Variants in ATG12 observed in about 807,000 individuals in gnomAD.
The protein encoded by ATG12 is autophagy related 12.
ATG12 carries 19 observed loss-of-function variants against 17.6 expected under a neutral mutation model. That is an observed-to-expected ratio of 1.08 (90% CI 0.75 to 1.58). The LOEUF (loss-of-function observed/expected upper bound fraction) is 1.58, where lower values mean the gene tolerates loss of function less well. ATG12 is among the 40% of genes most tolerant of loss of function. The probability of loss-of-function intolerance (pLI) is 0.00; values close to 1 mark genes in which losing one functional copy is unlikely to be tolerated. For missense variants in ATG12, 214 were observed against 162.0 expected, an observed-to-expected ratio of 1.32 and a Z score of -1.74; for synonymous variants, 75 against 62.4, an observed-to-expected ratio of 1.20 and a Z score of -0.95.
chr5:115,829,794 ATAAT>A lies in ATG12; in HGVS notation c.*2006_*2009del, dbSNP rs2112713179. ...TAATTCTTTGAGTAAAGATCAAGAAATAATTAAATATGATTTGAAAAAGTACAAA... is the reference window on the plus strand; with the variant it reads ...TAATTCTTTGAGTAAAGATCAAGAAATAAATATGATTTGAAAAAGTACAAA... On this transcript the variant is annotated 3_prime_UTR_variant, in exon 4 of 4. Coordinates refer to ENST00000509910, the MANE Select transcript of ATG12 (RefSeq NM_004707.4). 6.6e-6 allele frequency: 1 copy of A among 152,326 alleles called. No individual in the cohort carries two copies. The highest frequency in any genetic ancestry group is 2.4e-5 in the African/African-American group (1 of 41,572). 9.4% of individuals were successfully genotyped at this position (152,326 alleles called of 1,614,324 possible).
At chr5:115,834,988 G>A (rs1193146131) in intron 2 of ATG12, 2 of 151,910 alleles carry the variant, frequency 1.3e-5, no homozygotes, top group Non-Finnish European at 2.9e-5. Context: ...CTTGTCCAAA[G>A]GTTGACTCAC....
chr5:115,837,841 T>A, intron 1 of ATG12, 77 bp from the exon 2 acceptor site: 1 of 1,222,258 alleles, frequency 8.2e-7, no homozygotes, highest in South Asian at 1.8e-5. Context: ...GACTTAGAAA[T>A]CAGAAATATT....
intron 2 of ATG12, among the ~76,000 whole-genome samples, chr5:115,835,475 T>C (rs1266462843): frequency 6.6e-6 from 1 of 152,214 alleles, no homozygotes; most frequent in African/African-American, 2.4e-5. Flanking sequence ...TTCCAGGCTC[T>C]GTTCCCCACC....
At chr5:115,839,505 T>A (rs1285876929) in intron 1 of ATG12, 1 of 152,126 alleles carries the variant, frequency 6.6e-6, no homozygotes, top group Non-Finnish European at 1.5e-5. Flanking sequence ...TTCCAGAAAG[T>A]GAAGCAGGAA....
intron 2 of ATG12, chr5:115,833,033 C>T (rs993355944): frequency 6.0e-5 from 10 of 166,980 alleles, no homozygotes; most frequent in Non-Finnish European, 7.6e-5. Context: ...CACAGGCACA[C>T]AGCCAAAAAT....
At chr5:115,839,556 T>C (rs1761242201) in intron 1 of ATG12, 1 of 152,190 alleles carries the variant, frequency 6.6e-6, no homozygotes. Flanking sequence ...TGTAAGACAG[T>C]GAGAAACCAG....
In ATG12 at chr5:115,831,066, A is replaced by G. The variant is rs1760850327; in HGVS notation, c.*738T>C. On this transcript the variant is annotated 3_prime_UTR_variant, in exon 4 of 4. Transcript: ENST00000509910. ...TTTGACACCATATAAATGACAGAGT[A>G]ACACCACAGTTATGTGATTGGGACT... The G allele has an allele frequency of 6.6e-6, 1 of 152,252 alleles. No individual in the cohort carries two copies. The highest frequency in any genetic ancestry group is 2.1e-4 in the South Asian group (1 of 4,832). 9.4% of individuals were successfully genotyped at this position (152,252 alleles called of 1,614,324 possible).
chr5:115,840,207 T>C (rs554379670), intron 1 of ATG12, among the ~76,000 whole-genome samples: 1 of 151,898 alleles, frequency 6.6e-6, no homozygotes, highest in Admixed American at 6.6e-5. Flanking sequence ...GAAATGGGAG[T>C]CTGATTTAAA....
At chr5:115,839,571 G>T (rs6594907) in intron 1 of ATG12, 1 of 152,134 alleles carries the variant, frequency 6.6e-6, no homozygotes, top group African/African-American at 2.4e-5. Flanking sequence ...AACCAGAGAA[G>T]GAAAATAATT....
chr5:115,838,073 G>T, intron 1 of ATG12: 1 of 221,190 alleles, frequency 4.5e-6, no homozygotes, highest in Non-Finnish European at 8.8e-6. Flanking sequence ...GTAAAATAAT[G>T]TCATGTCCCT....
At chr5:115,833,983 C>G (rs560661147) in intron 2 of ATG12, 68 of 152,258 alleles carry the variant, frequency 4.5e-4, no homozygotes, top group African/African-American at 1.6e-3. Flanking sequence ...AGCTTATAAT[C>G]TGTAGGAGAG....
chr5:115,831,795 C>T lies in ATG12; in HGVS notation c.*9G>A. On this transcript the variant is annotated 3_prime_UTR_variant, in exon 4 of 4. Coordinates refer to ENST00000509910, the MANE Select transcript of ATG12 (RefSeq NM_004707.4). ...TTTCATGTAGTAGCAAGTTGATTTT[C>T]TTTGTGGTTCATCCCCACGCCTGAG... 3.7e-6 allele frequency: 6 copies of T among 1,611,370 alleles called. No individual in the cohort carries two copies. The highest frequency in any genetic ancestry group is 5.1e-6 in the Non-Finnish European group (6 of 1,179,058).
In ATG12 at chr5:115,830,018, G is replaced by T. The variant is rs1760799517; in HGVS notation, c.*1786C>A. The T allele has an allele frequency of 6.6e-6, 1 of 151,524 alleles. No individual in the cohort carries two copies. The highest frequency in any genetic ancestry group is 1.5e-5 in the Non-Finnish European group (1 of 68,004). 9.4% of individuals were successfully genotyped at this position (151,524 alleles called of 1,614,324 possible). ...TGTAATCCCAGCTACTCAGGAGGCTGAGGCAGGAGAATCACTTGAACCCGG... is the reference window on the plus strand; with the variant it reads ...TGTAATCCCAGCTACTCAGGAGGCTTAGGCAGGAGAATCACTTGAACCCGG... On this transcript the variant is annotated 3_prime_UTR_variant, in exon 4 of 4. Coordinates refer to ENST00000509910, the MANE Select transcript of ATG12 (RefSeq NM_004707.4).
At chr5:115,832,227 T>C (rs1290989056) in intron 3 of ATG12, among the ~76,000 whole-genome samples, 5 of 152,146 alleles carry the variant, frequency 3.3e-5, no homozygotes, top group African/African-American at 4.8e-5. Flanking sequence ...GTCATTCTTA[T>C]GCTGTTTTCT....
intron 2 of ATG12, among the ~76,000 whole-genome samples, chr5:115,837,154 T>C (rs1205404691): frequency 6.6e-6 from 1 of 152,164 alleles, no homozygotes; most frequent in Non-Finnish European, 1.5e-5. Context: ...AAAAAATAAA[T>C]ACATAAACTG....
In ATG12 at chr5:115,837,678, G is replaced by A; in HGVS notation, c.250C>T (p.Leu84Phe). The change falls in exon 2 of 4, where the codon CTC (leucine) becomes TTC (phenylalanine). Residue 84 changes from leucine (L) to phenylalanine (F), a missense_variant. Coordinates refer to ENST00000509910, the MANE Select transcript of ATG12 (RefSeq NM_004707.4). ...AVERTRTIQG[L>F]IDFIKKFLKL... ...AGAAACTTTTTGATGAAGTCAATGA[G>A]TCCTTGGATGGTTCGTGTTCGCTCT... 6.2e-7 allele frequency: 1 copy of A among 1,613,364 alleles called. No homozygotes were observed. The highest frequency in any genetic ancestry group is 8.5e-7 in the Non-Finnish European group (1 of 1,179,934).
At chr5:115,837,453 CA>C (rs1003874803) in intron 2 of ATG12, among the ~76,000 whole-genome samples, 174 bp downstream of exon 2, 1 of 149,968 alleles carries the variant, frequency 6.7e-6, no homozygotes, top group African/African-American at 2.5e-5. Context: ...GCCTGGGCAA[CA>C]GAGCGAGACT....
chr5:115,836,114 T>C (rs564005059), intron 2 of ATG12, among the ~76,000 whole-genome samples: 21 of 152,188 alleles, frequency 1.4e-4, no homozygotes, highest in Non-Finnish European at 2.8e-4. Flanking sequence ...ATTCTTATGT[T>C]TCCTATTGCT....
chr5:115,836,458 TGTCC>T (rs1317780702), intron 2 of ATG12, among the ~76,000 whole-genome samples: 5 of 152,242 alleles, frequency 3.3e-5, no homozygotes, highest in African/African-American at 1.2e-4. Context: ...CTCAAGTGTA[TGTCC>T]TCATTCCCCT....
Sources: gnomAD v4.1 joint callset for allele counts (sites outside exome capture counted in the v4.1 genomes callset) on GRCh38, gnomAD v4.1.1 for gene constraint, MANE v1.5 for transcripts, NCBI Gene and HGNC (gene_info 2026-07-23, HGNC 2026-07-21) for gene names.